The following ACAN variants were observed in gnomAD, a reference collection of about 807,000 sequenced individuals.
ACAN encodes aggrecan core protein.
ACAN carries 47 observed loss-of-function variants against 169.1 expected under a neutral mutation model. The observed-to-expected ratio is 0.28, with a 90% confidence interval of 0.22 to 0.35. ACAN has a LOEUF of 0.35. ACAN is among the 10% of genes least tolerant of loss of function. The pLI, the probability that ACAN is intolerant of heterozygous loss-of-function variation, is 1.00. For missense variants in ACAN, 2,716 were observed against 2,759.9 expected (o/e 0.98, Z 0.36); for synonymous variants, 1,115 against 1,112.2 (o/e 1.00, Z -0.05).
intron 1 of ACAN, among the ~76,000 whole-genome samples, chr15:88,827,618 A>C (rs1054212014): frequency 1.3e-5 from 2 of 152,180 alleles, no homozygotes; most frequent in African/African-American, 4.8e-5. Context: ...GCAGAAACTG[A>C]CCTCAGTGCC....
chr15:88,808,943 T>C (rs1271899764), intron 1 of ACAN, among the ~76,000 whole-genome samples: 1 of 152,214 alleles, frequency 6.6e-6, no homozygotes, highest in Non-Finnish European at 1.5e-5. Flanking sequence ...AAATGTGGGC[T>C]TTGGTGGCCC....
At chr15:88,841,190 A>T (rs899025754) in intron 4 of ACAN, among the ~76,000 whole-genome samples, 8 of 152,352 alleles carry the variant, frequency 5.3e-5, no homozygotes, top group Admixed American at 2.6e-4. Context: ...GGCACTTGGA[A>T]GCTGCGTGAC....
rs752987109 is a variant in ACAN at position 88,874,105 on chromosome 15, G to A, written c.7630+81G>A. ...CCTTCCCCCCGTCCCCTCTCCTGGG[G>A]ACCCTACACCGTCCACAGGGTTGAG... On this transcript the variant is annotated intron_variant, in intron 18 of 18. Transcript: ENST00000560601. The surrounding 1 kb of genome is among the most constrained non-coding windows in gnomAD (Gnocchi z 7.3). 1.3e-6 allele frequency: 2 copies of A among 1,551,908 alleles called. No homozygotes were observed. Among genetic ancestry groups the A allele is most frequent in the South Asian group, 1.1e-5 (1 of 87,102 alleles).
intron 1 of ACAN, among the ~76,000 whole-genome samples, chr15:88,828,331 G>T (rs915551861): frequency 1.4e-4 from 21 of 152,264 alleles, no homozygotes; most frequent in African/African-American, 4.3e-4. Flanking sequence ...TCGGCAGTCA[G>T]GTAACAAGTA....
intron 1 of ACAN, among the ~76,000 whole-genome samples, chr15:88,813,444 A>G (rs931534137): frequency 1.3e-5 from 2 of 152,216 alleles, no homozygotes; most frequent in African/African-American, 2.4e-5. Context: ...CAGAATGGCC[A>G]CCACCTGGGC....
intron 1 of ACAN, among the ~76,000 whole-genome samples, chr15:88,822,975 A>G (rs1375762075): frequency 2.0e-5 from 3 of 152,190 alleles, no homozygotes; most frequent in Non-Finnish European, 4.4e-5. Flanking sequence ...CTTTGTCCAG[A>G]AATTCAGCTA....
At position 88,856,981 on chromosome 15, in the gene ACAN, G is replaced by T. The variant is rs1247591202; in HGVS notation, c.4396G>T (p.Asp1466Tyr). ...AGAGACTTCTACCTCTGCGGTAGGG[G>T]ACCTCAGTGGACTTCCTTCTGGAGG... is the stretch of plus-strand genomic sequence containing the variant. ...VLETSTSAVG[D>Y]LSGLPSGGEV... Residue 1466 changes from aspartate (D) to tyrosine (Y), a missense_variant, in exon 12 of 19, where the codon GAC (aspartate) becomes TAC (tyrosine). Asp to Tyr is a radical substitution (Grantham distance 160). Around this residue, in one of 3 missense-constraint regions of ACAN, gnomAD observed 1,389 missense variants for 1,363.7 expected, o/e 1.02. Coordinates refer to ENST00000560601, the MANE Select transcript of ACAN (RefSeq NM_001369268.1). 3.1e-6 allele frequency: 5 copies of T among 1,613,650 alleles called. No homozygotes were observed. Among genetic ancestry groups the T allele is most frequent in the Non-Finnish European group, 4.2e-6 (5 of 1,179,758 alleles).
chr15:88,847,324 G>C lies in ACAN; in HGVS notation c.1511G>C (p.Gly504Ala), dbSNP rs1596138173. 2 of 1,580,028 alleles carry C rather than the reference G, an allele frequency of 1.3e-6. No individual in the cohort carries two copies. Among genetic ancestry groups the C allele is most frequent in the African/African-American group, 1.3e-5 (1 of 74,188 alleles). Reference sequence around the variant, plus strand: ...GCACAGCAGGCCTGCCTGCGCACGGGGGCGGTCATTGCCTCGCCGGAGCAG... The same window carrying C: ...GCACAGCAGGCCTGCCTGCGCACGGCGGCGGTCATTGCCTCGCCGGAGCAG... ...EEAQQACLRT[G>A]AVIASPEQLQ... Residue 504 changes from glycine to alanine, a missense_variant, in exon 8 of 19, where the codon GGG becomes GCG. Gly to Ala is a moderately conservative substitution (Grantham distance 60). Coordinates refer to ENST00000560601, the MANE Select transcript of ACAN (RefSeq NM_001369268.1).
Position 88,864,302 on chromosome 15 carries a change from C to T in ACAN, c.6946+3863C>T, listed in dbSNP as rs1176936148. Among the ~76,000 whole-genome samples the T allele has an allele frequency of 1.7e-4, 26 of 151,128 alleles. No individual in the cohort carries two copies. In the South Asian group the frequency reaches 2.5e-3, roughly 15 times the overall value. On this transcript the variant is annotated intron_variant, in intron 13 of 18. Coordinates refer to ENST00000560601, the MANE Select transcript of ACAN (RefSeq NM_001369268.1). ...TTTTTTTTTAAGACAGAGTCTCGCACTGTCATGCAGGCTGGAGTGCAGTGG... is the reference window on the plus strand; with the variant it reads ...TTTTTTTTTAAGACAGAGTCTCGCATTGTCATGCAGGCTGGAGTGCAGTGG...
At chr15:88,818,340 G>C (rs1373870744) in intron 1 of ACAN, among the ~76,000 whole-genome samples, 1 of 152,230 alleles carries the variant, frequency 6.6e-6, no homozygotes, top group East Asian at 1.9e-4. Flanking sequence ...CTCCCACCAA[G>C]TCTGAATGGA....
rs576129384 is a variant in ACAN at position 88,873,009 on chromosome 15, G to A, written c.7431G>A (p.Thr2477=). ...DVPCNYHLPF[T]CKKGTVACGE... Reference sequence around the variant, plus strand: ...CCTGCAATTACCACCTCCCCTTCACGTGTAAAAAGGGCACAGGTAAGCTGG... The same window carrying A: ...CCTGCAATTACCACCTCCCCTTCACATGTAAAAAGGGCACAGGTAAGCTGG... Residue 2477 remains threonine, a synonymous_variant, in exon 17 of 19, where the codon ACG becomes ACA. Coordinates refer to ENST00000560601, the MANE Select transcript of ACAN (RefSeq NM_001369268.1). This position sits in a 1 kb window ranked among gnomAD's most constrained non-coding sequence, Gnocchi z 7.5. The A allele has an allele frequency of 2.9e-5, 47 of 1,613,110 alleles. 1 individual carries two copies. In the East Asian group the frequency reaches 3.1e-4, roughly 11 times the overall value.
intron 2 of ACAN, among the ~76,000 whole-genome samples, chr15:88,836,960 C>T (rs74911642): frequency 0.12 from 17,849 of 152,284 alleles, 1,129 homozygotes; most frequent in Middle Eastern, 0.17. Context: ...AGCCTCAACC[C>T]TCTCCAAAGG....
intron 13 of ACAN, 37 bp downstream of exon 13, chr15:88,860,476 G>A (rs1192211552): frequency 1.3e-6 from 2 of 1,573,308 alleles, no homozygotes; most frequent in South Asian, 2.3e-5. Flanking sequence ...TGAGGGCGGA[G>A]GCGCTGGACA....
chr15:88,849,973 T>G lies in ACAN; in HGVS notation c.2026+242T>G, dbSNP rs912193792. 8 of 636,904 alleles carry G rather than the reference T, an allele frequency of 1.3e-5. No homozygotes were observed. Among genetic ancestry groups the G allele is most frequent in the Middle Eastern group, 2.5e-4 (1 of 4,046 alleles). 39.5% of individuals were successfully genotyped at this position (636,904 alleles called of 1,614,324 possible). ...AAGAACTTGAGCTGGTATTTATGTC[T>G]ACTAGAAATGAAGCAGACCTGAATT... On this transcript the variant is annotated intron_variant, in intron 10 of 18. Coordinates refer to ENST00000560601, the MANE Select transcript of ACAN (RefSeq NM_001369268.1). This position sits in a 1 kb window ranked among gnomAD's most constrained non-coding sequence, Gnocchi z 5.1.
At position 88,851,871 on chromosome 15, in the gene ACAN, G is replaced by A. The variant is rs370096577; in HGVS notation, c.2104G>A (p.Val702Met). ...ACCCTCTGGTGTGGAGGAGTGGATC[G>A]TGACCCAAGTGGTTCCTGGTGTGGC... Reference protein sequence around the residue: ...TSPSGVEEWIVTQVVPGVAAV... With the variant: ...TSPSGVEEWIMTQVVPGVAAV... Residue 702 changes from valine (V) to methionine (M), a missense_variant, in exon 11 of 19, where the codon GTG (valine) becomes ATG (methionine). By Grantham distance (21) the Val-to-Met change is conservative. Around this residue, in one of 3 missense-constraint regions of ACAN, gnomAD observed 1,283 missense variants for 1,281.5 expected, o/e 1.00. Coordinates refer to ENST00000560601, the MANE Select transcript of ACAN (RefSeq NM_001369268.1). The surrounding 1 kb of genome is among the most constrained non-coding windows in gnomAD (Gnocchi z 4.3). 2.0e-5 allele frequency: 33 copies of A among 1,612,158 alleles called. No homozygotes were observed. Among genetic ancestry groups the A allele is most frequent in the East Asian group, 6.7e-5 (3 of 44,846 alleles).
Position 88,849,344 on chromosome 15 carries a change from G to A in ACAN, c.1733-94G>A, listed in dbSNP as rs1441329089. 1.6e-6 allele frequency: 2 copies of A among 1,284,358 alleles called. No individual in the cohort carries two copies. Among genetic ancestry groups the A allele is most frequent in the Admixed American group, 5.6e-5 (2 of 35,802 alleles). 79.6% of individuals were successfully genotyped at this position (1,284,358 alleles called of 1,614,324 possible). On this transcript the variant is annotated intron_variant, in intron 9 of 18. Transcript: ENST00000560601. The surrounding 1 kb of genome is among the most constrained non-coding windows in gnomAD (Gnocchi z 5.1). ...AGCTGGGCTGGGTCTTAGCCCTGGT[G>A]AGGAGGGTTAGAGGAACTCTGTCCT...
rs771656914 is a variant in ACAN, at chr15:88,874,412, C to G, written c.7638C>G (p.Thr2546=). 1 of 1,605,130 alleles carries G rather than the reference C, an allele frequency of 6.2e-7. No individual in the cohort carries two copies. Reference sequence around the variant, plus strand: ...ATCTCCCTTTCGTCCTAGCCACCACCTACAAACGCAGACTACAGAAGCGGA... The same window carrying G: ...ATCTCCCTTTCGTCCTAGCCACCACGTACAAACGCAGACTACAGAAGCGGA... The part of the protein sequence containing the change: ...EPQITCTDPT[T]YKRRLQKRSS... Residue 2546 remains threonine, a synonymous_variant, in exon 19 of 19, where the codon ACC becomes ACG. Transcript: ENST00000560601. This position sits in a 1 kb window ranked among gnomAD's most constrained non-coding sequence, Gnocchi z 7.3.
intron 1 of ACAN, among the ~76,000 whole-genome samples, chr15:88,809,027 G>C (rs1018208456): frequency 6.6e-6 from 1 of 152,196 alleles, no homozygotes; most frequent in African/African-American, 2.4e-5. Flanking sequence ...CTGCGTTTCT[G>C]TTTCCGTGAG....
chr15:88,852,141 TC>T, intron 11 of ACAN, 108 bp downstream of exon 11: 1 of 1,452,470 alleles, frequency 6.9e-7, no homozygotes, highest in Non-Finnish European at 9.2e-7. Flanking sequence ...TTGTGCTGTT[TC>T]CCCAGCCCTG....
Sources: gnomAD v4.1 joint callset for allele counts (sites outside exome capture counted in the v4.1 genomes callset) on GRCh38, gnomAD v4.1.1 for gene constraint, gnomAD v4.1.1 regional missense constraint, Gnocchi (gnomAD v3.1) non-coding constraint, MANE v1.5 for transcripts, NCBI Gene and HGNC (gene_info 2026-07-23, HGNC 2026-07-21) for gene names.